Variants in ADAMTS18 observed in about 807,000 individuals in gnomAD.
ADAMTS18 encodes the protein A disintegrin and metalloproteinase with thrombospondin motifs 18.
ADAMTS18 carries 157 observed loss-of-function variants against 165.9 expected under a neutral mutation model. The ratio of observed to expected loss-of-function variants is 0.95; its 90% CI spans 0.83 to 1.08. The LOEUF (loss-of-function observed/expected upper bound fraction) is 1.08, where lower values mean the gene tolerates loss of function less well. Among genes scored for constraint, ADAMTS18 ranks in the 50% least tolerant of loss-of-function variants. The probability of loss-of-function intolerance (pLI) is 0.00; values close to 1 mark genes in which losing one functional copy is unlikely to be tolerated. For synonymous variants in ADAMTS18, 782 were observed against 578.2 expected, an observed-to-expected ratio of 1.35 and a Z score of -5.06; for missense variants, 2,040 against 1,534.0, an observed-to-expected ratio of 1.33 and a Z score of -5.51.
intron 16 of ADAMTS18, among the ~76,000 whole-genome samples, chr16:77,306,059 C>T (rs550806837): frequency 3.9e-5 from 6 of 152,292 alleles, no homozygotes; most frequent in Admixed American, 2.6e-4. Context: ...CTTACAACCC[C>T]GTGCCGCATG....
In ADAMTS18 at chr16:77,311,705, C is replaced by CAT. The variant is rs1555511135; in HGVS notation, c.2532+8143_2532+8144insAT. 2.0e-5 allele frequency among the ~76,000 whole-genome samples: 3 copies of CAT among 146,634 alleles called. No homozygotes were observed. In the East Asian group the frequency reaches 6.1e-4, roughly 30 times the overall value. ...CAAAATACTAGATTACTGGAGTTTT[C>CAT]TTTTTTTTTTGCTTTGAATATATTT... On this transcript the variant is annotated intron_variant, in intron 16 of 22. Transcript: ENST00000282849.
chr16:77,330,559 T>C (rs937466653), intron 12 of ADAMTS18, among the ~76,000 whole-genome samples: 5 of 152,100 alleles, frequency 3.3e-5, no homozygotes, highest in Admixed American at 1.3e-4. Flanking sequence ...TCTAACCCGA[T>C]TGAGAACAAA....
Position 77,325,830 on chromosome 16 carries a change from T to C in ADAMTS18, c.2032+36A>G, listed in dbSNP as rs377706486. On this transcript the variant is annotated intron_variant, in intron 13 of 22. Coordinates refer to ENST00000282849, the MANE Select transcript of ADAMTS18 (RefSeq NM_199355.4). The stretch of plus-strand genomic sequence containing the variant: ...TTGGTCAATCACATTATTATCCACA[T>C]AGAGACTTATTTGAATGTCATAGAG... 16 of 1,582,774 alleles carry C rather than the reference T, an allele frequency of 1.0e-5. No individual in the cohort carries two copies. In the African/African-American group the frequency reaches 1.3e-4, roughly 13 times the overall value.
At chr16:77,309,090 A>G (rs1348648494) in intron 16 of ADAMTS18, among the ~76,000 whole-genome samples, 1 of 152,212 alleles carries the variant, frequency 6.6e-6, no homozygotes, top group African/African-American at 2.4e-5. Context: ...CTTATGTTGT[A>G]GAAAATAAGT....
At chr16:77,331,752 A>G (rs1232368768) in intron 12 of ADAMTS18, among the ~76,000 whole-genome samples, 2 of 152,132 alleles carry the variant, frequency 1.3e-5, no homozygotes, top group Non-Finnish European at 2.9e-5. Flanking sequence ...TACAGGACAA[A>G]TCTCCAAAAC....
At chr16:77,342,296 C>G (rs2056410500) in intron 10 of ADAMTS18, among the ~76,000 whole-genome samples, 1 of 152,188 alleles carries the variant, frequency 6.6e-6, no homozygotes, top group Non-Finnish European at 1.5e-5. Context: ...AAATGAGGAA[C>G]TACATGTAAA....
At position 77,283,851 on chromosome 16, in the gene ADAMTS18, C is replaced by G. The variant is rs114413538; in HGVS notation, c.*105G>C. On this transcript the variant is annotated 3_prime_UTR_variant, in exon 23 of 23. Transcript: ENST00000282849. ...AGGCTCCTTCATCACAGCGGCAGCT[C>G]ACAGATGGTTCTCGGTGCTCAGCTC... is the stretch of plus-strand genomic sequence containing the variant. 9.7e-4 allele frequency: 858 copies of G among 882,476 alleles called. 9 individuals carry two copies. The African/African-American group carries it at 0.013, about 13-fold the overall frequency. The allele number at this position is 882,476 out of a possible 1,614,324, so 54.7% of individuals were successfully genotyped here. A position where few individuals can be genotyped will look rare whatever the true frequency, so the allele number is the denominator to read the frequency against.
intron 16 of ADAMTS18, among the ~76,000 whole-genome samples, chr16:77,317,248 T>A (rs563007790): frequency 3.3e-5 from 5 of 152,208 alleles, no homozygotes; most frequent in Non-Finnish European, 7.3e-5. Flanking sequence ...GATTTTCTTT[T>A]CTGTTTATCC....
At chr16:77,367,752 C>T (rs2056820044) in intron 3 of ADAMTS18, 29 bp from the exon 4 acceptor site, 2 of 1,613,960 alleles carry the variant, frequency 1.2e-6, no homozygotes, top group African/African-American at 2.7e-5. Context: ...AGCAAACAGT[C>T]ATGATTCCAT....
chr16:77,342,551 A>T (rs1365967486), intron 10 of ADAMTS18, among the ~76,000 whole-genome samples: 1 of 152,084 alleles, frequency 6.6e-6, no homozygotes, highest in Non-Finnish European at 1.5e-5. Context: ...TCAGTCTCCC[A>T]AACTGTTGGG....
chr16:77,434,583 G>A, intron 1 of ADAMTS18, 23 bp downstream of exon 1: 2 of 1,528,868 alleles, frequency 1.3e-6, no homozygotes, highest in Non-Finnish European at 1.7e-6. Flanking sequence ...CCCGCTCTCG[G>A]AGCTCCGCTC....
chr16:77,400,487 T>G (rs1248771363), intron 3 of ADAMTS18, among the ~76,000 whole-genome samples: 12 of 143,436 alleles, frequency 8.4e-5, no homozygotes, highest in African/African-American at 2.4e-4. Context: ...TGTGTTTTGT[T>G]TTTTTTTTTT....
chr16:77,400,424 TTGTGTGTGTG>T (rs145473637), intron 3 of ADAMTS18, among the ~76,000 whole-genome samples: 26,221 of 135,962 alleles, frequency 0.19, 3,139 homozygotes, highest in Non-Finnish European at 0.28. Flanking sequence ...TCAGGGGGAA[TTGTGTGTGTG>T]TGTGTGTGTG....
chr16:77,298,943 G>A (rs1366327437), intron 17 of ADAMTS18, among the ~76,000 whole-genome samples: 5 of 152,384 alleles, frequency 3.3e-5, no homozygotes, highest in South Asian at 4.1e-4. Context: ...AGGGCAAGGC[G>A]AGAATTTCAC....
chr16:77,318,198 G>C (rs1258181971), intron 16 of ADAMTS18, among the ~76,000 whole-genome samples: 1 of 152,140 alleles, frequency 6.6e-6, no homozygotes, highest in Non-Finnish European at 1.5e-5. Flanking sequence ...AAATACATGG[G>C]TATGTTCTCA....
At chr16:77,345,511 C>T (rs745343102) in intron 10 of ADAMTS18, among the ~76,000 whole-genome samples, 1 of 152,196 alleles carries the variant, frequency 6.6e-6, no homozygotes, top group Admixed American at 6.5e-5. Context: ...TTCCAAGCCA[C>T]CCGACATGGA....
In ADAMTS18 at chr16:77,326,000, C is replaced by T. The variant is rs200297898; in HGVS notation, c.1898G>A (p.Arg633His). The T allele has an allele frequency of 7.4e-6, 12 of 1,614,008 alleles. No individual in the cohort carries two copies. The highest frequency in any genetic ancestry group is 2.2e-5 in the South Asian group (2 of 91,076). Residue 633 changes from arginine (R) to histidine (H), a missense_variant, in exon 13 of 23, where the codon CGT becomes CAT. By Grantham distance (29) the Arg-to-His change is conservative. Coordinates refer to ENST00000282849, the MANE Select transcript of ADAMTS18 (RefSeq NM_199355.4). ...GTTAATATTGCACAGCTGATAAATA[C>T]GGCTAGAACCTGGACAGAATAAGCC... Reference protein sequence around the residue: ...YGGLFCPGSSRIYQLCNINPC... With the variant: ...YGGLFCPGSSHIYQLCNINPC...
intron 3 of ADAMTS18, among the ~76,000 whole-genome samples, chr16:77,418,609 C>A (rs1474181929): frequency 6.6e-6 from 1 of 152,172 alleles, no homozygotes; most frequent in Non-Finnish European, 1.5e-5. Flanking sequence ...CAATGCCCGA[C>A]TGAGAAACCC....
chr16:77,407,001 C>G (rs2057401175), intron 3 of ADAMTS18, among the ~76,000 whole-genome samples: 1 of 151,946 alleles, frequency 6.6e-6, no homozygotes, highest in African/African-American at 2.4e-5. Flanking sequence ...CTGCTCACTA[C>G]CTGGGTGACA....
Sources: gnomAD v4.1 joint callset for allele counts (sites outside exome capture counted in the v4.1 genomes callset) on GRCh38, gnomAD v4.1.1 for gene constraint, MANE v1.5 for transcripts, NCBI Gene and HGNC (gene_info 2026-07-23, HGNC 2026-07-21) for gene names.